The following SGIP1 variants were observed in gnomAD, a reference collection of about 807,000 sequenced individuals.
SGIP1 encodes SH3-containing GRB2-like protein 3-interacting protein 1.
In SGIP1, 38 loss-of-function variants were observed where a neutral mutation model predicts 107.5. The observed-to-expected ratio is 0.35, with a 90% CI of 0.27 to 0.46. SGIP1 has a LOEUF of 0.46. Ranked by LOEUF, SGIP1 falls within the 20% of genes least tolerant of loss-of-function variation. The pLI is 1.00. For synonymous variants in SGIP1, 365 were observed against 366.1 expected (o/e 1.00, Z 0.03); for missense variants, 929 against 1,019.5 (o/e 0.91, Z 1.21).
At chr1:66,697,107 G>A (rs1255360643) in intron 18 of SGIP1, among the ~76,000 whole-genome samples, 1 of 152,118 alleles carries the variant, frequency 6.6e-6, no homozygotes, top group African/African-American at 2.4e-5. Context: ...TTTGTTGTTT[G>A]TTTTGGCTAG....
At chr1:66,717,898 T>C (rs1232917582) in intron 18 of SGIP1, among the ~76,000 whole-genome samples, 1 of 152,182 alleles carries the variant, frequency 6.6e-6, no homozygotes, top group African/African-American at 2.4e-5. Context: ...ATGCTGATGA[T>C]CGGAATGCTG....
intron 22 of SGIP1, 147 bp downstream of exon 22, chr1:66,739,684 AT>A: frequency 1.4e-6 from 1 of 737,590 alleles, no homozygotes; most frequent in South Asian, 1.9e-5. Context: ...ACTGGTAGCT[AT>A]TTTAAGCAAA....
At chr1:66,606,107 T>C (rs961580053) in intron 1 of SGIP1, among the ~76,000 whole-genome samples, 1 of 152,148 alleles carries the variant, frequency 6.6e-6, no homozygotes, top group Non-Finnish European at 1.5e-5. Flanking sequence ...CATTATGTAG[T>C]AGGAAAAAAT....
At chr1:66,606,224 T>C (rs915624962) in intron 1 of SGIP1, among the ~76,000 whole-genome samples, 4 of 152,200 alleles carry the variant, frequency 2.6e-5, no homozygotes, top group Admixed American at 2.6e-4. Context: ...GCTACCCACA[T>C]GTAAAAAGCG....
intron 18 of SGIP1, among the ~76,000 whole-genome samples, chr1:66,698,405 G>C (rs1215519217): frequency 1.4e-5 from 2 of 143,056 alleles, no homozygotes; most frequent in South Asian, 4.4e-4. Context: ...TTGAGACGGA[G>C]TCTCGCTCTG....
chr1:66,620,123 T>C (rs372680712), intron 1 of SGIP1, among the ~76,000 whole-genome samples: 1 of 151,898 alleles, frequency 6.6e-6, no homozygotes, highest in African/African-American at 2.4e-5. Flanking sequence ...GAAAAGAAAA[T>C]GGATAAAGAT....
intron 4 of SGIP1, among the ~76,000 whole-genome samples, chr1:66,637,151 G>A (rs960309639): frequency 3.9e-5 from 6 of 152,036 alleles, no homozygotes; most frequent in African/African-American, 1.4e-4. Flanking sequence ...TCTTAAGCCT[G>A]GTTTTTAAGT....
intron 1 of SGIP1, among the ~76,000 whole-genome samples, chr1:66,560,349 C>T (rs560482887): frequency 2.3e-4 from 35 of 152,122 alleles, no homozygotes; most frequent in African/African-American, 8.2e-4. Flanking sequence ...TCATTAGTTC[C>T]GCACTCTATC....
At chr1:66,713,481 G>T (rs756697056) in intron 18 of SGIP1, among the ~76,000 whole-genome samples, 23 of 151,994 alleles carry the variant, frequency 1.5e-4, no homozygotes, top group Non-Finnish European at 3.1e-4. Context: ...TTTGATTTTT[G>T]TTGTTATTGA....
rs191929605 is a variant in SGIP1 at position 66,607,846 on chromosome 1, T to G, written c.11-18001T>G. Among the ~76,000 whole-genome samples the G allele has an allele frequency of 5.6e-3, 850 of 152,366 alleles. 8 individuals carry two copies. Among genetic ancestry groups the G allele is most frequent in the African/African-American group, 0.019 (796 of 41,584 alleles). ...TATTTTCTCTCTTCATTTAAATTTC[T>G]TTCTCTATAACAACACTAGCAAGAA... On this transcript the variant is annotated intron_variant, in intron 1 of 24. Transcript: ENST00000371037.
At chr1:66,558,503 T>C (rs1379557019) in intron 1 of SGIP1, among the ~76,000 whole-genome samples, 1 of 151,960 alleles carries the variant, frequency 6.6e-6, no homozygotes, top group Non-Finnish European at 1.5e-5. Flanking sequence ...TGAAAGTATA[T>C]AATACTAAAC....
intron 1 of SGIP1, among the ~76,000 whole-genome samples, chr1:66,544,552 G>T (rs2055881144): frequency 6.6e-6 from 1 of 152,130 alleles, no homozygotes; most frequent in South Asian, 2.1e-4. Context: ...AGCTGGGCAT[G>T]GTGGTGCGCA....
intron 1 of SGIP1, among the ~76,000 whole-genome samples, chr1:66,574,001 T>A (rs556287231): frequency 2.6e-5 from 4 of 152,274 alleles, no homozygotes; most frequent in African/African-American, 9.6e-5. Flanking sequence ...TAATGCTTGC[T>A]GGTCTATCAA....
chr1:66,734,495 G>T, intron 21 of SGIP1, among the ~76,000 whole-genome samples: 1 of 149,308 alleles, frequency 6.7e-6, no homozygotes, highest in African/African-American at 2.5e-5. Flanking sequence ...TGACTGCCTA[G>T]ATTTTTTTGG....
chr1:66,597,135 C>T (rs964536651), intron 1 of SGIP1, among the ~76,000 whole-genome samples: 7 of 152,222 alleles, frequency 4.6e-5, no homozygotes, highest in Non-Finnish European at 7.4e-5. Flanking sequence ...TACAGGGGTT[C>T]GTACAGATTA....
At position 66,548,376 on chromosome 1, in the gene SGIP1, A is replaced by T. The variant is rs551892767; in HGVS notation, c.10+14008A>T. ...GGTGGTGCCCTCCCCCAAGCCACTC[A>T]TTGGCACCATCACTATTGAGGTCGG... On this transcript the variant is annotated intron_variant, in intron 1 of 24. Coordinates refer to ENST00000371037, the MANE Select transcript of SGIP1 (RefSeq NM_032291.4). Among the ~76,000 whole-genome samples the T allele has an allele frequency of 2.6e-5, 4 of 152,204 alleles. No homozygotes were observed. The South Asian group carries it at 8.3e-4, about 32-fold the overall frequency.
chr1:66,719,084 T>C (rs1226359303), intron 18 of SGIP1, among the ~76,000 whole-genome samples: 6 of 152,140 alleles, frequency 3.9e-5, no homozygotes, highest in Admixed American at 6.6e-5. Flanking sequence ...ATTGAATTAA[T>C]TTCAAGTGTG....
At chr1:66,721,935 C>A (rs138049464) in intron 19 of SGIP1, among the ~76,000 whole-genome samples, 211 of 152,260 alleles carry the variant, frequency 1.4e-3, no homozygotes, top group African/African-American at 4.8e-3. Flanking sequence ...TCAAAATCCT[C>A]CCATCTTGTT....
chr1:66,563,146 G>A (rs1015160512), intron 1 of SGIP1, among the ~76,000 whole-genome samples: 10 of 151,918 alleles, frequency 6.6e-5, no homozygotes, highest in Non-Finnish European at 1.5e-4. Context: ...CAAGAATTTG[G>A]TATAAATACA....
Sources: gnomAD v4.1 joint callset for allele counts (sites outside exome capture counted in the v4.1 genomes callset) on GRCh38, gnomAD v4.1.1 for gene constraint, MANE v1.5 for transcripts, NCBI Gene and HGNC (gene_info 2026-07-23, HGNC 2026-07-21) for gene names.